The following STAP1 variants were observed in gnomAD, a reference collection of about 807,000 sequenced individuals.
The protein encoded by STAP1 is signal-transducing adaptor protein 1.
STAP1 carries 30 observed loss-of-function variants against 37.8 expected under a neutral mutation model. That is an observed-to-expected ratio of 0.79 (90% CI 0.59 to 1.08). The LOEUF (loss-of-function observed/expected upper bound fraction) is 1.08, where lower values mean the gene tolerates loss of function less well. STAP1 is among the 50% of genes least tolerant of loss of function. The pLI, the probability that STAP1 is intolerant of heterozygous loss-of-function variation, is 0.00. For synonymous variants in STAP1, 130 were observed against 116.0 expected, an observed-to-expected ratio of 1.12 and a Z score of -0.78; for missense variants, 357 against 349.4, an observed-to-expected ratio of 1.02 and a Z score of -0.17.
At chr4:67,572,280 G>A (rs114635281) in intron 2 of STAP1, among the ~76,000 whole-genome samples, 1 of 152,230 alleles carries the variant, frequency 6.6e-6, no homozygotes, top group Non-Finnish European at 1.5e-5. Flanking sequence ...ATGCAAAGCA[G>A]TGAACAGGGT....
intron 8 of STAP1, 37 bp from the exon 9 acceptor site, chr4:67,606,259 G>C: frequency 1.3e-6 from 2 of 1,561,576 alleles, no homozygotes; most frequent in East Asian, 2.3e-5. Flanking sequence ...CTACAATATT[G>C]GTTCGCTAAT....
rs570817106 is a variant in STAP1 at position 67,577,445 on chromosome 4, A to G, written c.363+186A>G. Among the ~76,000 whole-genome samples the G allele has an allele frequency of 5.6e-4, 85 of 152,302 alleles. 1 individual carries two copies. The highest frequency in any genetic ancestry group is 9.8e-4 in the Admixed American group (15 of 15,298). ...GTGGTGGAGAGGGAGAAAGTAAACA[A>G]GTAAACAGATGATCATTTCACATTG... On this transcript the variant is annotated intron_variant, in intron 4 of 8. Coordinates refer to ENST00000265404, the MANE Select transcript of STAP1 (RefSeq NM_012108.4).
chr4:67,587,344 A>AT (rs985746005), intron 6 of STAP1, among the ~76,000 whole-genome samples: 1 of 152,224 alleles, frequency 6.6e-6, no homozygotes, highest in Non-Finnish European at 1.5e-5. Flanking sequence ...TGAAAATAAA[A>AT]TTATCTCCAT....
chr4:67,589,905 A>G (rs537781112), intron 6 of STAP1, among the ~76,000 whole-genome samples: 1 of 152,098 alleles, frequency 6.6e-6, no homozygotes, highest in South Asian at 2.1e-4. Flanking sequence ...CCTGGATGCA[A>G]TGATTCGCCC....
At chr4:67,595,635 ATGT>A (rs1250815573) in intron 8 of STAP1, among the ~76,000 whole-genome samples, 2 of 152,216 alleles carry the variant, frequency 1.3e-5, no homozygotes, top group Non-Finnish European at 2.9e-5. Flanking sequence ...CCAATGATAT[ATGT>A]TCCTACCCTT....
At chr4:67,574,262 C>T (rs1382693360) in intron 2 of STAP1, among the ~76,000 whole-genome samples, 6 of 152,136 alleles carry the variant, frequency 3.9e-5, no homozygotes, top group African/African-American at 1.4e-4. Flanking sequence ...CTAACTCTTG[C>T]ATTGGTAACC....
At chr4:67,567,266 C>A (rs112460103) in intron 1 of STAP1, among the ~76,000 whole-genome samples, 1 of 152,120 alleles carries the variant, frequency 6.6e-6, no homozygotes, top group Non-Finnish European at 1.5e-5. Context: ...TTGGCTGATC[C>A]TTCAATAATA....
chr4:67,561,273 C>A (rs1475800282), intron 1 of STAP1, among the ~76,000 whole-genome samples: 1 of 152,138 alleles, frequency 6.6e-6, no homozygotes, highest in Non-Finnish European at 1.5e-5. Context: ...GCCAGGGAAT[C>A]TTTGAACAGA....
rs1305792224 is a variant in STAP1, at chr4:67,558,870, A to T, written c.61A>T (p.Ile21Phe). ...CAGGATCTTCCAGGAAAGGTTAAAG[A>T]TTACTGCTCTACCTTTGTACTTTGA... ...PRRIFQERLKITALPLYFEGF... is the reference protein window; with the variant it reads ...PRRIFQERLKFTALPLYFEGF... Residue 21 changes from isoleucine (I) to phenylalanine (F), a missense_variant, in exon 1 of 9, where the codon ATT becomes TTT. Physicochemically the swap from Ile to Phe is conservative, Grantham distance 21. Transcript: ENST00000265404. The T allele has an allele frequency of 1.2e-6, 2 of 1,613,902 alleles. No individual in the cohort carries two copies. The highest frequency in any genetic ancestry group is 1.7e-6 in the Non-Finnish European group (2 of 1,179,866).
At chr4:67,581,147 C>T (rs139574812) in intron 4 of STAP1, among the ~76,000 whole-genome samples, 158 bp from the exon 5 acceptor site, 3 of 152,312 alleles carry the variant, frequency 2.0e-5, no homozygotes, top group Non-Finnish European at 4.4e-5. Context: ...AAACACCCAA[C>T]CTAGACTAAA....
intron 8 of STAP1, 111 bp downstream of exon 8, chr4:67,593,467 G>A: frequency 2.7e-6 from 2 of 727,312 alleles, no homozygotes. Flanking sequence ...CTGTAGTTCA[G>A]TCTTTAAATT....
In STAP1 at chr4:67,607,137, C is replaced by T. The variant is rs527591410; in HGVS notation, c.*780C>T. On this transcript the variant is annotated 3_prime_UTR_variant, in exon 9 of 9. Transcript: ENST00000265404. ...CTTCTAAATTGATTTTGATGGTTAT[C>T]AATTTGGGAATCACACAATCAACTA... 1 of 152,076 alleles carries T rather than the reference C, an allele frequency of 6.6e-6. No individual in the cohort carries two copies. Among genetic ancestry groups the T allele is most frequent in the Non-Finnish European group, 1.5e-5 (1 of 68,006 alleles). The allele number at this position is 152,076 out of a possible 1,614,324, so 9.4% of individuals were successfully genotyped here.
intron 2 of STAP1, among the ~76,000 whole-genome samples, chr4:67,572,491 G>C (rs1009261311): frequency 3.9e-5 from 6 of 152,268 alleles, no homozygotes; most frequent in South Asian, 4.1e-4. Flanking sequence ...TCCTGCCACT[G>C]TTCTCCAGTG....
At chr4:67,585,221 G>A (rs1200098637) in intron 6 of STAP1, among the ~76,000 whole-genome samples, 2 of 152,028 alleles carry the variant, frequency 1.3e-5, no homozygotes, top group African/African-American at 4.8e-5. Context: ...TATTCCTTAT[G>A]GGGATAATAT....
At chr4:67,588,661 A>G (rs1170815467) in intron 6 of STAP1, among the ~76,000 whole-genome samples, 4 of 152,190 alleles carry the variant, frequency 2.6e-5, no homozygotes, top group Non-Finnish European at 4.4e-5. Context: ...TGCCTGCCTC[A>G]GCCTCCCAAA....
chr4:67,589,495 G>C (rs1728075558), intron 6 of STAP1, among the ~76,000 whole-genome samples: 1 of 152,132 alleles, frequency 6.6e-6, no homozygotes, highest in African/African-American at 2.4e-5. Context: ...AACGGAAGGA[G>C]AAGCGATTTA....
chr4:67,595,021 G>T (rs993584076), intron 8 of STAP1, among the ~76,000 whole-genome samples: 1 of 152,038 alleles, frequency 6.6e-6, no homozygotes, highest in Non-Finnish European at 1.5e-5. Context: ...GTCTTTAGGA[G>T]AGCAGAAGTT....
intron 2 of STAP1, 99 bp from the exon 3 acceptor site, chr4:67,575,286 A>G: frequency 1.4e-6 from 1 of 692,774 alleles, no homozygotes; most frequent in Non-Finnish European, 2.3e-6. Flanking sequence ...ACAAAGTACT[A>G]ATTAGTTGAA....
At chr4:67,578,430 C>T (rs1727774502) in intron 4 of STAP1, among the ~76,000 whole-genome samples, 2 of 152,152 alleles carry the variant, frequency 1.3e-5, no homozygotes, top group Admixed American at 6.5e-5. Context: ...CAGCCAGTAA[C>T]AGGTAAAAGT....
Sources: gnomAD v4.1 joint callset for allele counts (sites outside exome capture counted in the v4.1 genomes callset) on GRCh38, gnomAD v4.1.1 for gene constraint, MANE v1.5 for transcripts, NCBI Gene and HGNC (gene_info 2026-07-23, HGNC 2026-07-21) for gene names.